The following VPS13C variants were observed in gnomAD, a reference collection of about 807,000 sequenced individuals.
VPS13C encodes the protein vacuolar protein sorting 13 homolog C.
In VPS13C, 358 loss-of-function variants were observed where a neutral mutation model predicts 456.8. The observed-to-expected ratio is 0.78, with a 90% CI of 0.72 to 0.86. The LOEUF (loss-of-function observed/expected upper bound fraction) is 0.86. VPS13C is among the 40% of genes least tolerant of loss of function. The pLI is 0.00. For missense variants in VPS13C, 4,818 were observed against 4,385.4 expected (o/e 1.10, Z -2.79); for synonymous variants, 1,578 against 1,486.7 (o/e 1.06, Z -1.41).
intron 66 of VPS13C, among the ~76,000 whole-genome samples, chr15:61,897,713 T>G (rs2042871419): frequency 6.6e-6 from 1 of 152,040 alleles, no homozygotes. Flanking sequence ...CCCAATCTAG[T>G]AAGACAGGCC....
intron 51 of VPS13C, 38 bp from the exon 52 acceptor site, chr15:61,927,358 G>GT (rs1555421937): frequency 1.3e-6 from 2 of 1,548,758 alleles, no homozygotes; most frequent in Admixed American, 1.8e-5. Context: ...AAAGTTTAAG[G>GT]TAAGTCTTTT....
chr15:61,911,804 A>G (rs771377246), intron 63 of VPS13C, 36 bp downstream of exon 63: 3 of 1,512,326 alleles, frequency 2.0e-6, no homozygotes, highest in African/African-American at 2.8e-5. Context: ...TTATTTGTAT[A>G]TTTTAGGAAT....
chr15:61,919,849 T>G (rs1265157474), intron 57 of VPS13C, among the ~76,000 whole-genome samples: 1 of 148,468 alleles, frequency 6.7e-6, no homozygotes, highest in African/African-American at 2.4e-5. Flanking sequence ...ATACATTATT[T>G]AAGGGCACAA....
intron 6 of VPS13C, among the ~76,000 whole-genome samples, chr15:62,026,576 A>C (rs931675798): frequency 1.9e-4 from 29 of 151,990 alleles, no homozygotes; most frequent in African/African-American, 6.3e-4. Flanking sequence ...CAAACAACCA[A>C]ATCTGAATAA....
intron 74 of VPS13C, 104 bp downstream of exon 74, chr15:61,878,503 G>A (rs542507085): frequency 3.5e-6 from 5 of 1,448,608 alleles, no homozygotes; most frequent in Non-Finnish European, 4.6e-6. Context: ...AAGTAGTAAA[G>A]TTATCCTTTT....
At chr15:61,906,145 C>A (rs939137782) in intron 66 of VPS13C, among the ~76,000 whole-genome samples, 3 of 152,046 alleles carry the variant, frequency 2.0e-5, no homozygotes, top group Admixed American at 2.0e-4. Flanking sequence ...CTAGTGTTTG[C>A]CAACAATGTA....
At chr15:61,857,334 G>T (rs980839363) in intron 82 of VPS13C, among the ~76,000 whole-genome samples, 5 of 152,164 alleles carry the variant, frequency 3.3e-5, no homozygotes, top group African/African-American at 1.2e-4. Context: ...TACTGGCAAA[G>T]TAGGTGACAC....
intron 71 of VPS13C, among the ~76,000 whole-genome samples, 180 bp from the exon 72 acceptor site, chr15:61,881,134 C>T (rs1329930878): frequency 2.6e-5 from 4 of 152,058 alleles, no homozygotes; most frequent in African/African-American, 4.8e-5. Flanking sequence ...GAAAGCTTCA[C>T]TCAAGGTAAT....
intron 3 of VPS13C, among the ~76,000 whole-genome samples, chr15:62,039,161 T>C (rs549810023): frequency 6.6e-6 from 1 of 152,146 alleles, no homozygotes; most frequent in Admixed American, 6.5e-5. Context: ...CTAACCACAA[T>C]AGCAAAGTCA....
chr15:62,003,394 G>C (rs2046708618), intron 15 of VPS13C, among the ~76,000 whole-genome samples: 1 of 151,790 alleles, frequency 6.6e-6, no homozygotes, highest in Non-Finnish European at 1.5e-5. Context: ...TGCTGAAGTT[G>C]CTTATCAGCT....
intron 65 of VPS13C, among the ~76,000 whole-genome samples, chr15:61,908,343 T>C (rs1158387783): frequency 6.6e-6 from 1 of 151,450 alleles, no homozygotes; most frequent in Non-Finnish European, 1.5e-5. Context: ...TGCATGAATA[T>C]ATACACATAT....
intron 9 of VPS13C, among the ~76,000 whole-genome samples, chr15:62,016,214 T>C (rs765582600): frequency 1.3e-5 from 2 of 151,406 alleles, no homozygotes; most frequent in Admixed American, 6.6e-5. Context: ...TAAGTAGTCA[T>C]AAGGCAAACT....
At chr15:61,926,139 C>T (rs964687596) in intron 52 of VPS13C, among the ~76,000 whole-genome samples, 1 of 152,128 alleles carries the variant, frequency 6.6e-6, no homozygotes, top group African/African-American at 2.4e-5. Context: ...TAGTGCATAC[C>T]TATAATCCCG....
At position 61,919,280 on chromosome 15, in the gene VPS13C, A is replaced by T. The variant is rs1432624636; in HGVS notation, c.7638+9T>A. The T allele has an allele frequency of 6.3e-7, 1 of 1,580,786 alleles. No homozygotes were observed. The highest frequency in any genetic ancestry group is 8.6e-7 in the Non-Finnish European group (1 of 1,166,986). ...ACTGAAAGGGATACAATTAACTTTGAAGTATTACCTGTAGAGGAGAGCGAA... is the reference window on the plus strand; with the variant it reads ...ACTGAAAGGGATACAATTAACTTTGTAGTATTACCTGTAGAGGAGAGCGAA... On this transcript the variant is annotated intron_variant, in intron 58 of 84. Coordinates refer to ENST00000644861, the MANE Select transcript of VPS13C (RefSeq NM_020821.3).
Position 61,963,934 on chromosome 15 carries a change from C to G in VPS13C, c.3232G>C (p.Asp1078His). 6.2e-7 allele frequency: 1 copy of G among 1,606,870 alleles called. No homozygotes were observed. Among genetic ancestry groups the G allele is most frequent in the Non-Finnish European group, 8.5e-7 (1 of 1,174,548 alleles). The change falls in exon 32 of 85, where the codon GAT (aspartate) becomes CAT (histidine). Residue 1078 changes from aspartate to histidine, a missense_variant. Physicochemically the swap from Asp to His is moderately conservative, Grantham distance 81. Around this residue, in one of 3 missense-constraint regions of VPS13C, gnomAD observed 4,552 missense variants for 4,130.6 expected, o/e 1.10. Coordinates refer to ENST00000644861, the MANE Select transcript of VPS13C (RefSeq NM_020821.3). The stretch of plus-strand genomic sequence containing the variant: ...AGCCTGAAATCAATAATGTCACTAT[C>G]TCTGGAGGATACAATCGCTAAAAAT... ...TLPKAIVSSRDSDIIDFRLFA... is the reference protein window; with the variant it reads ...TLPKAIVSSRHSDIIDFRLFA...
At chr15:62,050,938 A>G (rs552951335) in intron 1 of VPS13C, among the ~76,000 whole-genome samples, 1 of 152,314 alleles carries the variant, frequency 6.6e-6, no homozygotes, top group South Asian at 2.1e-4. Context: ...CATCGCAAAA[A>G]AAAAAAAGTA....
At position 61,925,510 on chromosome 15, in the gene VPS13C, C is replaced by T. The variant is rs201714454; in HGVS notation, c.6555G>A (p.Thr2185=). The T allele has an allele frequency of 6.9e-6, 11 of 1,603,726 alleles. No individual in the cohort carries two copies. Among genetic ancestry groups the T allele is most frequent in the Middle Eastern group, 1.7e-4 (1 of 5,738 alleles). The change falls in exon 53 of 85, where the codon ACG becomes ACA. Residue 2185 remains threonine (T), a synonymous_variant. Transcript: ENST00000644861. Reference sequence around the variant, plus strand: ...TTATATTTTGCTTTCCTGAAGCCCACGTACATTTTTCCATAAATAAAGAAC... The same window carrying T: ...TTATATTTTGCTTTCCTGAAGCCCATGTACATTTTTCCATAAATAAAGAAC... ...QPCSLFMEKC[T]WASGKQNINI...
At chr15:61,887,881 CT>C (rs1896383462) in intron 67 of VPS13C, among the ~76,000 whole-genome samples, 1 of 152,040 alleles carries the variant, frequency 6.6e-6, no homozygotes, top group African/African-American at 2.4e-5. Context: ...AAAACTTCTG[CT>C]GTTAAAAGCA....
intron 70 of VPS13C, 31 bp downstream of exon 70, chr15:61,881,716 T>C (rs1895869935): frequency 2.5e-6 from 4 of 1,604,434 alleles, no homozygotes; most frequent in Non-Finnish European, 3.4e-6. Flanking sequence ...ATAAATAAGG[T>C]ATATCTATGT....
Sources: allele counts gnomAD v4.1 joint callset (sites outside exome capture counted in the v4.1 genomes callset), GRCh38; gene constraint gnomAD v4.1.1; regional missense constraint gnomAD v4.1.1; transcripts MANE v1.5; gene names NCBI Gene and HGNC (gene_info 2026-07-23, HGNC 2026-07-21).